CCZ1B: variants seen among roughly 807,000 people sequenced by gnomAD.
CCZ1B encodes the protein vacuolar fusion protein CCZ1 homolog B.
Under a neutral mutation model 58.8 loss-of-function variants are expected in CCZ1B, and 25 were observed. That is an observed-to-expected ratio of 0.43 (90% CI 0.31 to 0.59). CCZ1B has a LOEUF of 0.59. Among genes scored for constraint, CCZ1B ranks in the 20% least tolerant of loss-of-function variants. CCZ1B has a pLI of 0.12. For synonymous variants in CCZ1B, 66 were observed against 173.2 expected (o/e 0.38, Z 4.86); for missense variants, 180 against 501.5 (o/e 0.36, Z 6.12).
rs534811722 is a variant in CCZ1B, at chr7:6,814,941, A to G, written c.699-96T>C. 34 of 919,450 alleles carry G rather than the reference A, an allele frequency of 3.7e-5. No individual in the cohort carries two copies. In the East Asian group the frequency reaches 8.7e-4, roughly 24 times the overall value. The allele number at this position is 919,450 out of a possible 1,614,324, so 57.0% of individuals were successfully genotyped here. On this transcript the variant is annotated intron_variant, in intron 7 of 14. Transcript: ENST00000316731. ...CTCATTAAACAAAAATTTTTTTTTCAAGTCATTTTTAGTAACACAGAATAA... is the reference window on the plus strand; with the variant it reads ...CTCATTAAACAAAAATTTTTTTTTCGAGTCATTTTTAGTAACACAGAATAA...
At chr7:6,820,623 T>C (rs1440570971) in intron 6 of CCZ1B, among the ~76,000 whole-genome samples, 1 of 148,784 alleles carries the variant, frequency 6.7e-6, no homozygotes, top group Non-Finnish European at 1.5e-5. Context: ...GCTAGCACTT[T>C]CAAGTATTTA....
chr7:6,816,314 T>C (rs1200731952), intron 7 of CCZ1B, among the ~76,000 whole-genome samples: 1 of 149,204 alleles, frequency 6.7e-6, no homozygotes, highest in Non-Finnish European at 1.5e-5. Flanking sequence ...ACACCGTCTC[T>C]ACTAAAAAAT....
chr7:6,804,934 A>C lies in CCZ1B; in HGVS notation c.1106+4T>G. 1 of 1,412,060 alleles carries C rather than the reference A, an allele frequency of 7.1e-7. No homozygotes were observed. The highest frequency in any genetic ancestry group is 9.4e-7 in the Non-Finnish European group (1 of 1,064,226). 87.5% of individuals were successfully genotyped at this position (1,412,060 alleles called of 1,614,324 possible). ...TGAAAGTGAACCGAAAGCAAAGTAC[A>C]AACCCAGACATCCTCTTGTTGATGT... On this transcript the variant is annotated splice_donor_region_variant and intron_variant, in intron 12 of 14. Transcript: ENST00000316731.
chr7:6,811,609 A>C (rs1210003631), intron 10 of CCZ1B: 4 of 278,090 alleles, frequency 1.4e-5, no homozygotes, highest in African/African-American at 9.5e-5. Flanking sequence ...GAGCAAAAGC[A>C]GCATATGCAC....
At chr7:6,824,949 G>A (rs1180972120) in intron 1 of CCZ1B, among the ~76,000 whole-genome samples, 1 of 142,780 alleles carries the variant, frequency 7.0e-6, no homozygotes, top group African/African-American at 2.7e-5. Flanking sequence ...AGACCAGCAT[G>A]GGCAACACAG....
intron 6 of CCZ1B, among the ~76,000 whole-genome samples, chr7:6,820,480 AAT>A (rs1562432206): frequency 3.4e-5 from 5 of 147,582 alleles, no homozygotes; most frequent in Non-Finnish European, 4.5e-5. Context: ...CCTGGCCAAA[AAT>A]TTTTTTTTTT....
chr7:6,805,963 CA>C, intron 11 of CCZ1B, 40 bp downstream of exon 11: 1 of 1,056,222 alleles, frequency 9.5e-7, no homozygotes, highest in Non-Finnish European at 1.4e-6. Context: ...CAGCAAAGTA[CA>C]AAAAGCTTAG....
At chr7:6,804,418 T>C (rs1190072771) in intron 12 of CCZ1B, among the ~76,000 whole-genome samples, 1 of 125,488 alleles carries the variant, frequency 8.0e-6, no homozygotes. Context: ...GAGTGGGAAT[T>C]TGTCTCAAAA....
chr7:6,818,341 G>C (rs1370577846), intron 7 of CCZ1B, among the ~76,000 whole-genome samples: 1 of 149,588 alleles, frequency 6.7e-6, no homozygotes, highest in East Asian at 1.9e-4. Flanking sequence ...CTGAGGTCAG[G>C]AGTTTAGGAC....
At chr7:6,815,201 C>T (rs1469809332) in intron 7 of CCZ1B, among the ~76,000 whole-genome samples, 2 of 144,036 alleles carry the variant, frequency 1.4e-5, no homozygotes, top group East Asian at 3.9e-4. Flanking sequence ...AGGTCTTGCT[C>T]TGTCACCCAG....
At chr7:6,814,107 C>T (rs6463581) in intron 8 of CCZ1B, among the ~76,000 whole-genome samples, 63,720 of 147,664 alleles carry the variant, frequency 0.43, 14,717 homozygotes, top group South Asian at 0.67. Context: ...GATTAAACCA[C>T]TGCACTCCAG....
At position 6,814,807 on chromosome 7, in the gene CCZ1B, T is replaced by C; in HGVS notation, c.737A>G (p.Lys246Arg). 3 of 1,607,166 alleles carry C rather than the reference T, an allele frequency of 1.9e-6. No individual in the cohort carries two copies. The highest frequency in any genetic ancestry group is 2.5e-6 in the Non-Finnish European group (3 of 1,178,154). The change falls in exon 8 of 15, where the codon AAA (lysine) becomes AGA (arginine). Residue 246 changes from lysine to arginine, a missense_variant. Lys to Arg is a conservative substitution (Grantham distance 26). Coordinates refer to ENST00000316731, the MANE Select transcript of CCZ1B (RefSeq NM_198097.5). The part of the protein sequence containing the change: ...LEQDDMRILY[K>R]YLTTSLFPRH... ...TGGGAAAAGGGAGGTGGTAAGGTAT[T>C]TGTATAAAATTCTCATGTCATCTTG...
At chr7:6,814,642 C>A in intron 8 of CCZ1B, 122 bp downstream of exon 8, 2 of 830,864 alleles carry the variant, frequency 2.4e-6, no homozygotes, top group Non-Finnish European at 3.7e-6. Context: ...ACATAAATAA[C>A]ACACTAAGAC....
At position 6,814,848 on chromosome 7, in the gene CCZ1B, G is replaced by GC. The variant is rs770491576; in HGVS notation, c.699-4dup. On this transcript the variant is annotated splice_polypyrimidine_tract_variant and splice_region_variant and intron_variant, in intron 7 of 14. Coordinates refer to ENST00000316731, the MANE Select transcript of CCZ1B (RefSeq NM_198097.5). ...TGTCATCTTGTTCTAATCCACTCCTGCAACAACAGAAAAGCACTGGGTTAA... is the reference window on the plus strand; with the variant it reads ...TGTCATCTTGTTCTAATCCACTCCTGCCAACAACAGAAAAGCACTGGGTTAA... The GC allele has an allele frequency of 1.3e-6, 2 of 1,596,320 alleles. No homozygotes were observed.
At chr7:6,810,867 C>T (rs1172267998) in intron 10 of CCZ1B, among the ~76,000 whole-genome samples, 5 of 149,822 alleles carry the variant, frequency 3.3e-5, no homozygotes, top group African/African-American at 1.3e-4. Flanking sequence ...CCATATTTAA[C>T]AATGAGGGAA....
chr7:6,809,672 T>C (rs1378355270), intron 10 of CCZ1B, among the ~76,000 whole-genome samples: 2 of 123,300 alleles, frequency 1.6e-5, no homozygotes, highest in Non-Finnish European at 3.3e-5. Context: ...CTGCCTGCAA[T>C]CTCCCCTTCC....
At chr7:6,814,581 C>T (rs1756268740) in intron 8 of CCZ1B, 183 bp downstream of exon 8, 3 of 470,560 alleles carry the variant, frequency 6.4e-6, no homozygotes, top group Middle Eastern at 3.9e-4. Flanking sequence ...CTGAATGTCA[C>T]ATACTGGAGG....
intron 7 of CCZ1B, among the ~76,000 whole-genome samples, chr7:6,817,827 A>G (rs973809418): frequency 2.0e-5 from 3 of 149,324 alleles, no homozygotes; most frequent in African/African-American, 7.6e-5. Context: ...AGCCTGGCCA[A>G]CATGGTAAAA....
At chr7:6,816,506 T>C (rs62441817) in intron 7 of CCZ1B, among the ~76,000 whole-genome samples, 14,052 of 149,208 alleles carry the variant, frequency 0.094, 559 homozygotes, top group African/African-American at 0.2. Context: ...ATCAAAGCAA[T>C]ATACTAAGTA....
Sources: gnomAD v4.1 joint callset for allele counts (sites outside exome capture counted in the v4.1 genomes callset) on GRCh38, gnomAD v4.1.1 for gene constraint, MANE v1.5 for transcripts, NCBI Gene and HGNC (gene_info 2026-07-23, HGNC 2026-07-21) for gene names.